SEMA3A: variants seen among roughly 807,000 people sequenced by gnomAD.
The protein encoded by SEMA3A is semaphorin 3A.
Under a neutral mutation model 97.9 loss-of-function variants are expected in SEMA3A, and 29 were observed. The observed-to-expected ratio is 0.30, with a 90% CI of 0.22 to 0.40. The LOEUF is 0.40. Ranked by LOEUF, SEMA3A falls within the 10% of genes least tolerant of loss-of-function variation. SEMA3A has a pLI of 1.00. For missense variants in SEMA3A, 763 were observed against 951.3 expected (o/e 0.80, Z 2.60); for synonymous variants, 321 against 323.7 (o/e 0.99, Z 0.09).
intron 2 of SEMA3A, among the ~76,000 whole-genome samples, chr7:84,318,898 A>T (rs1297745195): frequency 6.6e-6 from 1 of 152,176 alleles, no homozygotes; most frequent in Non-Finnish European, 1.5e-5. Flanking sequence ...ATGAAACAGT[A>T]ACCTTAATTT....
At chr7:84,125,850 CA>C (rs572389582) in intron 3 of SEMA3A, among the ~76,000 whole-genome samples, 26 of 152,166 alleles carry the variant, frequency 1.7e-4, no homozygotes, top group African/African-American at 5.5e-4. Context: ...ATTATGAAAT[CA>C]AATATGCTTG....
intron 1 of SEMA3A, among the ~76,000 whole-genome samples, chr7:84,426,279 G>GATAGATAA (rs1804826150): frequency 9.3e-6 from 1 of 107,366 alleles, no homozygotes. Context: ...TATATAGACA[G>GATAGATAA]ATAGATAGAT....
chr7:84,430,057 GGTTT>G (rs1433359495), intron 1 of SEMA3A, among the ~76,000 whole-genome samples: 1 of 151,866 alleles, frequency 6.6e-6, no homozygotes, highest in Non-Finnish European at 1.5e-5. Flanking sequence ...GAGTAGAGTG[GGTTT>G]GTTTCTTTGT....
intron 1 of SEMA3A, among the ~76,000 whole-genome samples, chr7:84,458,309 A>G (rs1805736936): frequency 6.6e-6 from 1 of 151,922 alleles, no homozygotes; most frequent in Admixed American, 6.6e-5. Context: ...ACCAGCTTTT[A>G]TTTGTGTCTC....
intron 1 of SEMA3A, among the ~76,000 whole-genome samples, chr7:84,176,412 A>C (rs1207397538): frequency 6.6e-6 from 1 of 152,148 alleles, no homozygotes; most frequent in East Asian, 1.9e-4. Context: ...TTTAATGGAA[A>C]ACATACCACG....
At chr7:84,043,478 G>C (rs909065653) in intron 6 of SEMA3A, among the ~76,000 whole-genome samples, 9 of 152,018 alleles carry the variant, frequency 5.9e-5, no homozygotes, top group Non-Finnish European at 7.4e-5. Context: ...GAAAAATAAA[G>C]TCCTATGCTG....
Position 84,077,511 on chromosome 7 carries a change from G to C in SEMA3A, c.454-16953C>G, listed in dbSNP as rs190931626. ...GTCATATGGTTTCTTTACATTTCAA[G>C]ATTTTTTTCAGAGATGCCATCTGGG... is the stretch of plus-strand genomic sequence containing the variant. On this transcript the variant is annotated intron_variant, in intron 4 of 16. Coordinates refer to ENST00000265362, the MANE Select transcript of SEMA3A (RefSeq NM_006080.3). Among the ~76,000 whole-genome samples the C allele has an allele frequency of 1.1e-4, 16 of 152,040 alleles. No individual in the cohort carries two copies. The East Asian group carries it at 2.9e-3, about 28-fold the overall frequency.
intron 12 of SEMA3A, among the ~76,000 whole-genome samples, chr7:83,985,759 C>G (rs569032993): frequency 8.5e-5 from 13 of 152,278 alleles, no homozygotes; most frequent in African/African-American, 2.6e-4. Flanking sequence ...TGAGCCTGCA[C>G]AGTGAGCACA....
chr7:84,416,009 G>T (rs1294454381), intron 1 of SEMA3A, among the ~76,000 whole-genome samples: 1 of 151,906 alleles, frequency 6.6e-6, no homozygotes, highest in African/African-American at 2.4e-5. Context: ...TTCCTTAGTA[G>T]GTAGACCAGT....
intron 1 of SEMA3A, among the ~76,000 whole-genome samples, chr7:84,446,746 C>A (rs1028864015): frequency 6.6e-6 from 1 of 152,278 alleles, no homozygotes; most frequent in African/African-American, 2.4e-5. Flanking sequence ...CAGAATAAGG[C>A]TAAGATATCT....
chr7:84,172,655 T>G (rs534280673), intron 1 of SEMA3A, among the ~76,000 whole-genome samples: 1 of 152,140 alleles, frequency 6.6e-6, no homozygotes, highest in African/African-American at 2.4e-5. Context: ...CTCGATCTCC[T>G]GACCTAGTGA....
chr7:83,993,112 C>G (rs980316265), intron 12 of SEMA3A, among the ~76,000 whole-genome samples: 6 of 143,832 alleles, frequency 4.2e-5, no homozygotes, highest in African/African-American at 1.3e-4. Flanking sequence ...GGTTTCAAGT[C>G]TGTTTTATCA....
chr7:84,050,962 A>T (rs2115615986), intron 5 of SEMA3A, among the ~76,000 whole-genome samples: 1 of 151,960 alleles, frequency 6.6e-6, no homozygotes, highest in East Asian at 1.9e-4. Flanking sequence ...TTTATTAAAT[A>T]GGGAATCCTT....
At chr7:84,331,032 T>C (rs1259691675) in intron 2 of SEMA3A, among the ~76,000 whole-genome samples, 3 of 152,138 alleles carry the variant, frequency 2.0e-5, no homozygotes, top group Non-Finnish European at 4.4e-5. Context: ...AGGTTTTATA[T>C]TTGAATGTCA....
At chr7:84,164,682 G>A (rs1268019073) in intron 1 of SEMA3A, among the ~76,000 whole-genome samples, 2 of 152,092 alleles carry the variant, frequency 1.3e-5, no homozygotes, top group Non-Finnish European at 1.5e-5. Context: ...TGTATAAATT[G>A]CATGTAGTAA....
chr7:84,007,221 G>C, intron 10 of SEMA3A, 132 bp downstream of exon 10: 2 of 663,598 alleles, frequency 3.0e-6, no homozygotes, highest in Non-Finnish European at 4.5e-6. Flanking sequence ...TCTTTGTCTT[G>C]CTTTAATTTA....
At chr7:84,398,448 C>A (rs942642955) in intron 1 of SEMA3A, among the ~76,000 whole-genome samples, 5 of 152,004 alleles carry the variant, frequency 3.3e-5, no homozygotes, top group Admixed American at 3.3e-4. Context: ...AAACACATCA[C>A]CCTCCTTTCG....
chr7:84,145,390 T>C (rs1796432670), intron 1 of SEMA3A, among the ~76,000 whole-genome samples: 1 of 152,140 alleles, frequency 6.6e-6, no homozygotes, highest in Non-Finnish European at 1.5e-5. Flanking sequence ...AGCAAGTGAC[T>C]CAAATGTAAT....
chr7:84,247,432 C>T (rs1799500761), intron 3 of SEMA3A, among the ~76,000 whole-genome samples: 1 of 152,094 alleles, frequency 6.6e-6, no homozygotes. Flanking sequence ...GGCTCCCTCT[C>T]TGTCTGTTTC....
Sources: allele counts gnomAD v4.1 joint callset (sites outside exome capture counted in the v4.1 genomes callset), GRCh38; gene constraint gnomAD v4.1.1; transcripts MANE v1.5; gene names NCBI Gene and HGNC (gene_info 2026-07-23, HGNC 2026-07-21).